RGS9: variants seen among roughly 807,000 people sequenced by gnomAD.
RGS9 encodes regulator of G protein signaling 9.
In RGS9, 78 loss-of-function variants were observed where a neutral mutation model predicts 102.0. That is an observed-to-expected ratio of 0.76 (90% CI 0.64 to 0.92). RGS9 has a LOEUF of 0.92. RGS9 is among the 40% of genes least tolerant of loss of function. The pLI is 0.00. For missense variants in RGS9, 833 were observed against 866.1 expected (o/e 0.96, Z 0.48); for synonymous variants, 353 against 318.6 (o/e 1.11, Z -1.15).
At chr17:65,160,211 A>G (rs1385104569) in intron 3 of RGS9, 22 bp from the exon 4 acceptor site, 1 of 1,577,184 alleles carries the variant, frequency 6.3e-7, no homozygotes, top group Admixed American at 1.7e-5. Flanking sequence ...CTTAACATCC[A>G]TGTCTGAACT....
intron 1 of RGS9, among the ~76,000 whole-genome samples, chr17:65,149,093 C>T (rs1190310233): frequency 6.6e-6 from 1 of 151,706 alleles, no homozygotes; most frequent in Non-Finnish European, 1.5e-5. Context: ...TCCTGAGTAG[C>T]TGGGATTGTA....
intron 7 of RGS9, among the ~76,000 whole-genome samples, chr17:65,166,528 A>G (rs758561015): frequency 3.3e-5 from 5 of 152,270 alleles, no homozygotes; most frequent in African/African-American, 9.6e-5. Context: ...CAATGAGTAC[A>G]TGAATGAACG....
chr17:65,224,940 GGGGCCCTGCT>G (rs1905563984), intron 17 of RGS9, 52 bp from the exon 18 acceptor site: 1 of 1,604,876 alleles, frequency 6.2e-7, no homozygotes, highest in Non-Finnish European at 8.5e-7. Flanking sequence ...GGACAGCCCA[GGGGCCCTGCT>G]GGCTGGGGCC....
intron 2 of RGS9, 139 bp downstream of exon 2, chr17:65,153,657 C>T (rs1028897613): frequency 4.4e-5 from 31 of 704,228 alleles, no homozygotes; most frequent in Middle Eastern, 2.7e-4. Context: ...TTTGGGAGGC[C>T]GAGGCGGGTG....
At chr17:65,217,066 G>C (rs1053982046) in intron 17 of RGS9, among the ~76,000 whole-genome samples, 1 of 152,154 alleles carries the variant, frequency 6.6e-6, no homozygotes, top group Non-Finnish European at 1.5e-5. Context: ...AGTTAAGAAC[G>C]GAGTGGCAGA....
intron 12 of RGS9, among the ~76,000 whole-genome samples, 182 bp from the exon 13 acceptor site, chr17:65,196,944 G>C (rs1031268032): frequency 2.0e-5 from 3 of 152,194 alleles, no homozygotes; most frequent in Non-Finnish European, 2.9e-5. Context: ...GAGCCCCGGG[G>C]GACTTGTCTG....
chr17:65,196,077 T>C (rs1343460783), intron 12 of RGS9, among the ~76,000 whole-genome samples: 1 of 152,266 alleles, frequency 6.6e-6, no homozygotes, highest in African/African-American at 2.4e-5. Flanking sequence ...TATGTGAGAC[T>C]TGGCAAGTAT....
rs767325348 is a variant in RGS9 at position 65,190,142 on chromosome 17, T to A, written c.685-33T>A. ...AGTGACACTGAAGGGTGGGAGGGGG[T>A]TGAATACCTTCTAACAACTGTGTCT... On this transcript the variant is annotated intron_variant, in intron 10 of 18. Transcript: ENST00000262406. The A allele has an allele frequency of 1.0e-5, 16 of 1,569,714 alleles. No individual in the cohort carries two copies. In the South Asian group the frequency reaches 1.7e-4, roughly 16 times the overall value.
rs570661213 is a variant in RGS9 at position 65,225,969 on chromosome 17, T to C, written c.1892+483T>C. Among the ~76,000 whole-genome samples, 97 of 152,142 alleles carry C rather than the reference T, an allele frequency of 6.4e-4. No homozygotes were observed. In the Middle Eastern group the frequency reaches 0.01, roughly 16 times the overall value. On this transcript the variant is annotated intron_variant, in intron 18 of 18. Coordinates refer to ENST00000262406, the MANE Select transcript of RGS9 (RefSeq NM_003835.4). ...ACCTTCCCACCCTCCTCTGCATCCA[T>C]TGGCACAGTCTCTTAGAGGGACTTT...
Position 65,225,130 on chromosome 17 carries a change from C to T in RGS9, c.1536C>T (p.Arg512=), listed in dbSNP as rs751539633. ...GGAAGCCTTTCGCCTCACCCAGCCG[C>T]TTCATCCGGCGACCCAGCACCACCA... ...SPRKPFASPS[R]FIRRPSTTIC... is the part of the protein sequence containing the mutation. The change falls in exon 18 of 19, where the codon CGC becomes CGT. Residue 512 remains arginine (R), a synonymous_variant. Transcript: ENST00000262406. 1.9e-6 allele frequency: 3 copies of T among 1,613,838 alleles called. No individual in the cohort carries two copies. Among genetic ancestry groups the T allele is most frequent in the Non-Finnish European group, 2.5e-6 (3 of 1,180,040 alleles).
chr17:65,226,168 C>T (rs1009469276), intron 18 of RGS9, among the ~76,000 whole-genome samples: 2 of 152,230 alleles, frequency 1.3e-5, no homozygotes, highest in Non-Finnish European at 2.9e-5. Context: ...AGGAGTGCTC[C>T]ATAACGCCTG....
At chr17:65,158,097 G>T (rs573313972) in intron 2 of RGS9, among the ~76,000 whole-genome samples, 198 bp from the exon 3 acceptor site, 2 of 152,278 alleles carry the variant, frequency 1.3e-5, no homozygotes, top group South Asian at 4.1e-4. Context: ...ATCTGCTGGA[G>T]TCAGATCATG....
intron 9 of RGS9, among the ~76,000 whole-genome samples, chr17:65,178,438 T>C (rs1911728981): frequency 6.6e-6 from 1 of 152,182 alleles, no homozygotes; most frequent in South Asian, 2.1e-4. Flanking sequence ...GTTGAGCCCA[T>C]GGCCCTATTG....
intron 1 of RGS9, among the ~76,000 whole-genome samples, chr17:65,143,886 A>G (rs1289994198): frequency 6.6e-6 from 1 of 151,596 alleles, no homozygotes; most frequent in East Asian, 1.9e-4. Flanking sequence ...ACTTATGCCC[A>G]GAAGTTTGAG....
chr17:65,183,066 AT>A lies in RGS9; in HGVS notation c.654+5264del, dbSNP rs1438541398. ...GCACCCCCTTAATTTTTTTAAATCT[AT>A]CTATCTATCTATCTATCTATCTATC... On this transcript the variant is annotated intron_variant, in intron 9 of 18. Coordinates refer to ENST00000262406, the MANE Select transcript of RGS9 (RefSeq NM_003835.4). 4.9e-4 allele frequency among the ~76,000 whole-genome samples: 23 copies of A among 47,100 alleles called. 1 individual carries two copies. Among genetic ancestry groups the A allele is most frequent in the African/African-American group, 9.0e-4 (23 of 25,462 alleles). The allele number at this position is 47,100 out of a possible 152,430, so 30.9% of individuals were successfully genotyped here.
chr17:65,198,994 A>G (rs1912711248), intron 13 of RGS9, among the ~76,000 whole-genome samples: 1 of 151,744 alleles, frequency 6.6e-6, no homozygotes, highest in African/African-American at 2.4e-5. Flanking sequence ...TCTCCCCCCC[A>G]CTAATTCCTT....
In RGS9 at chr17:65,225,214, G is replaced by A. The variant is rs2144135192; in HGVS notation, c.1620G>A (p.Gly540=). 6.2e-7 allele frequency: 1 copy of A among 1,612,606 alleles called. No homozygotes were observed. The highest frequency in any genetic ancestry group is 8.5e-7 in the Non-Finnish European group (1 of 1,180,024). ...LESSSGLEQK[G]ECSGSMAPRG... ...GCTCATCGGGCTTGGAGCAGAAAGG[G>A]GAGTGCAGCGGGTCCATGGCCCCCC... Residue 540 remains glycine (G), a synonymous_variant, in exon 18 of 19, where the codon GGG becomes GGA. Transcript: ENST00000262406.
chr17:65,159,243 G>T (rs547332477), intron 3 of RGS9, among the ~76,000 whole-genome samples: 1 of 148,640 alleles, frequency 6.7e-6, no homozygotes, highest in Non-Finnish European at 1.5e-5. Context: ...ATCTCCCTTC[G>T]CTGACTCTCT....
Position 65,189,271 on chromosome 17 carries a change from TTC to T in RGS9, c.655-13_655-12del. The T allele has an allele frequency of 6.2e-7, 1 of 1,609,504 alleles. No homozygotes were observed. The highest frequency in any genetic ancestry group is 1.1e-5 in the South Asian group (1 of 90,958). ...CATGACATCTGCCTAACGGTTTTGT[TTC>T]TTTGTCTTACAGAAACAAACAGTCG... On this transcript the variant is annotated splice_polypyrimidine_tract_variant and intron_variant, in intron 9 of 18. Transcript: ENST00000262406.
Sources: gnomAD v4.1 joint callset for allele counts (sites outside exome capture counted in the v4.1 genomes callset) on GRCh38, gnomAD v4.1.1 for gene constraint, MANE v1.5 for transcripts, NCBI Gene and HGNC (gene_info 2026-07-23, HGNC 2026-07-21) for gene names.